The following UPRT variants were observed in gnomAD, a reference collection of about 807,000 sequenced individuals.
UPRT encodes uracil phosphoribosyltransferase homolog.
In UPRT, 5 loss-of-function variants were observed where a neutral mutation model predicts 22.6. The observed-to-expected ratio is 0.22, with a 90% CI of 0.12 to 0.47. The LOEUF (loss-of-function observed/expected upper bound fraction) is 0.47. Ranked by LOEUF, UPRT falls within the 20% of genes least tolerant of loss-of-function variation. The pLI is 0.99. For synonymous variants in UPRT, 77 were observed against 87.7 expected (o/e 0.88, Z 0.68); for missense variants, 181 against 239.9 (o/e 0.75, Z 1.62).
intron 4 of UPRT, among the ~76,000 whole-genome samples, chrX:75,233,429 C>G (rs774025695): frequency 1.8e-5 from 2 of 110,731 alleles, no homozygotes; most frequent in South Asian, 7.8e-4. Flanking sequence ...TCAGGAAATA[C>G]AGAGAATGCC....
chrX:75,246,727 A>C (rs1472890891), intron 4 of UPRT, among the ~76,000 whole-genome samples: 2 of 111,379 alleles, frequency 1.8e-5, no homozygotes, highest in Admixed American at 1.9e-4. Context: ...ACCAACAGTA[A>C]AAGTGTTCCT....
intron 4 of UPRT, among the ~76,000 whole-genome samples, chrX:75,236,745 G>T (rs371029767): frequency 2.7e-5 from 3 of 112,340 alleles, no homozygotes; most frequent in Non-Finnish European, 3.8e-5. Flanking sequence ...TGGCTAGCCA[G>T]ATGTAGAAAG....
chrX:75,284,305 G>A (rs1350880548), intron 1 of UPRT, among the ~76,000 whole-genome samples: 2 of 111,311 alleles, frequency 1.8e-5, no homozygotes, highest in Non-Finnish European at 3.8e-5. Context: ...GTAAATCAGG[G>A]ATTTCTTCTT....
At chrX:75,186,773 G>A (rs1208759271) in intron 4 of UPRT, among the ~76,000 whole-genome samples, 2 of 111,916 alleles carry the variant, frequency 1.8e-5, no homozygotes, top group African/African-American at 6.5e-5. Context: ...TTACCATTAT[G>A]TAATGGCCTT....
At chrX:75,170,089 C>T (rs892590704) in intron 4 of UPRT, among the ~76,000 whole-genome samples, 8 of 99,087 alleles carry the variant, frequency 8.1e-5, no homozygotes, top group African/African-American at 1.9e-4. Context: ...CAGGCTGGAG[C>T]GCAGTGGTGC....
intron 4 of UPRT, among the ~76,000 whole-genome samples, chrX:75,188,756 G>A (rs979132009): frequency 2.7e-5 from 3 of 112,423 alleles, no homozygotes; most frequent in African/African-American, 9.7e-5. Flanking sequence ...TCGGAAAAGC[G>A]CAGTATTCAG....
chrX:75,196,242 T>A (rs1361589868), intron 4 of UPRT, among the ~76,000 whole-genome samples: 1 of 112,309 alleles, frequency 8.9e-6, no homozygotes, highest in African/African-American at 3.2e-5. Context: ...CATAGCTCAC[T>A]GCAGCTTTGA....
At chrX:75,268,286 A>T (rs2147676179) in intron 4 of UPRT, among the ~76,000 whole-genome samples, 1 of 111,740 alleles carries the variant, frequency 8.9e-6, no homozygotes, top group East Asian at 2.8e-4. Flanking sequence ...AACAAAAAAA[A>T]GTCCAGGACC....
chrX:75,195,905 G>A (rs1173694435), intron 4 of UPRT, among the ~76,000 whole-genome samples: 2 of 111,846 alleles, frequency 1.8e-5, no homozygotes, highest in Admixed American at 9.5e-5. Flanking sequence ...AATTAACCTT[G>A]GAGTGATGGA....
At chrX:75,219,710 A>G (rs1315495579) in intron 4 of UPRT, among the ~76,000 whole-genome samples, 1 of 111,160 alleles carries the variant, frequency 9.0e-6, no homozygotes, top group African/African-American at 3.3e-5. Flanking sequence ...TGGAGCACCC[A>G]GATATATAAA....
intron 4 of UPRT, among the ~76,000 whole-genome samples, chrX:75,251,617 C>T (rs751134619): frequency 9.0e-6 from 1 of 111,534 alleles, no homozygotes; most frequent in African/African-American, 3.3e-5. Flanking sequence ...GAATGAATGT[C>T]GTGAAAATGG....
At chrX:75,281,007 G>A (rs756267422) in intron 1 of UPRT, among the ~76,000 whole-genome samples, 2 of 110,317 alleles carry the variant, frequency 1.8e-5, no homozygotes, top group Non-Finnish European at 3.8e-5. Context: ...AAATTCCTAA[G>A]GATTTTATTT....
At chrX:75,197,668 C>T (rs942311810) in intron 4 of UPRT, among the ~76,000 whole-genome samples, 3 of 111,426 alleles carry the variant, frequency 2.7e-5, no homozygotes, top group Non-Finnish European at 5.7e-5. Flanking sequence ...GAAATATCCT[C>T]CAATAATGAA....
At chrX:75,212,351 A>G (rs952330908) in intron 4 of UPRT, among the ~76,000 whole-genome samples, 1 of 112,431 alleles carries the variant, frequency 8.9e-6, no homozygotes, top group African/African-American at 3.2e-5. Context: ...ACCACAGGGC[A>G]ATCAAATTAT....
intron 1 of UPRT, among the ~76,000 whole-genome samples, chrX:75,288,342 A>G (rs2082690857): frequency 8.9e-6 from 1 of 111,865 alleles, no homozygotes; most frequent in South Asian, 3.7e-4. Flanking sequence ...CGATGAATCC[A>G]GCATCACCCT....
At chrX:75,184,034 C>A (rs1212769531) in intron 4 of UPRT, among the ~76,000 whole-genome samples, 1 of 112,078 alleles carries the variant, frequency 8.9e-6, no homozygotes, top group Non-Finnish European at 1.9e-5. Context: ...TTAACTAGAT[C>A]CCATTTGTCA....
intron 2 of UPRT, among the ~76,000 whole-genome samples, chrX:75,293,794 A>C (rs2082716432): frequency 8.9e-6 from 1 of 111,770 alleles, no homozygotes; most frequent in Non-Finnish European, 1.9e-5. Flanking sequence ...AGCAATTCTT[A>C]AGTGCCTCCT....
intron 4 of UPRT, among the ~76,000 whole-genome samples, chrX:75,207,673 A>G (rs767135468): frequency 1.5e-4 from 17 of 111,745 alleles, no homozygotes; most frequent in Non-Finnish European, 2.8e-4. Flanking sequence ...TCTGCAAGTT[A>G]TGGGAAGATG....
intron 4 of UPRT, among the ~76,000 whole-genome samples, chrX:75,224,467 T>C (rs1602460523): frequency 9.0e-6 from 1 of 110,658 alleles, no homozygotes; most frequent in Non-Finnish European, 1.9e-5. Flanking sequence ...TCCCTCCTCC[T>C]TACCACTCAC....
Sources: allele counts gnomAD v4.1 joint callset (sites outside exome capture counted in the v4.1 genomes callset), GRCh38; gene constraint gnomAD v4.1.1; transcripts MANE v1.5; gene names NCBI Gene and HGNC (gene_info 2026-07-23, HGNC 2026-07-21).